GRIN2C: variants seen among roughly 807,000 people sequenced by gnomAD.
GRIN2C encodes glutamate receptor ionotropic, NMDA 2C.
GRIN2C carries 64 observed loss-of-function variants against 77.7 expected under a neutral mutation model. The ratio of observed to expected loss-of-function variants is 0.82; its 90% CI spans 0.67 to 1.01. The LOEUF is 1.01. Ranked by LOEUF, GRIN2C falls within the 50% of genes least tolerant of loss-of-function variation. GRIN2C has a pLI of 0.00. For missense variants in GRIN2C, 1,549 were observed against 1,486.0 expected, an observed-to-expected ratio of 1.04 and a Z score of -0.70; for synonymous variants, 792 against 643.4, an observed-to-expected ratio of 1.23 and a Z score of -3.49.
chr17:74,855,067 AG>A lies in GRIN2C; in HGVS notation c.25del (p.Leu9CysfsTer22). 5 of 1,593,330 alleles carry A rather than the reference AG, an allele frequency of 3.1e-6. No homozygotes were observed. Among genetic ancestry groups the A allele is most frequent in the Non-Finnish European group, 4.3e-6 (5 of 1,176,052 alleles). MGGALGPALLLTSLFGAWA... is the reference protein window; with the variant it reads MGGALGPAXLLTSLFGAWA... ...GGCACCGAAGAGCGAGGTGAGCAAC[AG>A]GGCCGGCCCCAGGGCCCCACCCATG... On this transcript the variant is annotated frameshift_variant, in exon 2 of 13. Coordinates refer to ENST00000293190, the MANE Select transcript of GRIN2C (RefSeq NM_000835.6). LOFTEE classifies it high-confidence loss of function.
rs2037604810 is a variant in GRIN2C, at chr17:74,850,510, A to G, written c.1325+46T>C. ...GACATACACGACACCTGACCATCAC[A>G]CGGCAGCACCCAGCTCACACTAGCC... On this transcript the variant is annotated intron_variant, in intron 5 of 12. Transcript: ENST00000293190. This position sits in a 1 kb window ranked among gnomAD's most constrained non-coding sequence, Gnocchi z 5.3. 6.3e-7 allele frequency: 1 copy of G among 1,589,320 alleles called. No individual in the cohort carries two copies. Among genetic ancestry groups the G allele is most frequent in the African/African-American group, 1.3e-5 (1 of 74,270 alleles).
rs2037612190 is a variant in GRIN2C, at chr17:74,850,665, C to A, written c.1216G>T (p.Ala406Ser). The change falls in exon 5 of 13, where the codon GCC (alanine) becomes TCC (serine). Residue 406 changes from alanine (A) to serine (S), a missense_variant. Physicochemically the swap from Ala to Ser is moderately conservative, Grantham distance 99. Coordinates refer to ENST00000293190, the MANE Select transcript of GRIN2C (RefSeq NM_000835.6). The surrounding 1 kb of genome is among the most constrained non-coding windows in gnomAD (Gnocchi z 5.3). ...ACAAAGGGCCGCTCTTCCAGCGTGG[C>A]CACCGTCAGGTGCCGACTGTCCACC... ...PVVDSRHLTV[A>S]TLEERPFVIV... is the part of the protein sequence containing the mutation. The A allele has an allele frequency of 6.2e-7, 1 of 1,613,676 alleles. No individual in the cohort carries two copies. Among genetic ancestry groups the A allele is most frequent in the East Asian group, 2.2e-5 (1 of 44,884 alleles).
rs1047203978 is a variant in GRIN2C, at chr17:74,846,121, C to G, written c.2295G>C (p.Lys765Asn). The G allele has an allele frequency of 1.9e-6, 3 of 1,614,110 alleles. No homozygotes were observed. The highest frequency in any genetic ancestry group is 1.6e-4 in the Middle Eastern group (1 of 6,062). Reference sequence around the variant, plus strand: ...CTATGGCCCGCTTCCAGTGGGAGTCCTTCTGCATGGCGATGCCGTAGCCAG... The same window carrying G: ...CTATGGCCCGCTTCCAGTGGGAGTCGTTCTGCATGGCGATGCCGTAGCCAG... ...ATTGYGIAMQ[K>N]DSHWKRAIDL... Residue 765 changes from lysine to asparagine, a missense_variant, in exon 11 of 13, where the codon AAG becomes AAC. Transcript: ENST00000293190. The surrounding 1 kb of genome is among the most constrained non-coding windows in gnomAD (Gnocchi z 4.4).
In GRIN2C at chr17:74,849,777, C is replaced by A. The variant is rs1467643630; in HGVS notation, c.1645+3G>T. On this transcript the variant is annotated splice_donor_region_variant and intron_variant, in intron 7 of 12. Transcript: ENST00000293190. The surrounding 1 kb of genome is among the most constrained non-coding windows in gnomAD (Gnocchi z 4.6). ...AGCCGTCTCTGCCCACCCTGGGCCT[C>A]ACCCAAGAAGGCCGAGGGGGAGACG... 3 of 1,611,440 alleles carry A rather than the reference C, an allele frequency of 1.9e-6. No homozygotes were observed. The highest frequency in any genetic ancestry group is 1.7e-6 in the Non-Finnish European group (2 of 1,179,376).
chr17:74,855,637 C>A (rs1454340600), intron 1 of GRIN2C, among the ~76,000 whole-genome samples: 1 of 152,232 alleles, frequency 6.6e-6, no homozygotes, highest in African/African-American at 2.4e-5. Flanking sequence ...CCTCATCCCG[C>A]AGGTGACAGG....
At chr17:74,856,021 T>C (rs528773513) in intron 1 of GRIN2C, among the ~76,000 whole-genome samples, 2 of 152,358 alleles carry the variant, frequency 1.3e-5, no homozygotes, top group African/African-American at 4.8e-5. Context: ...AGCTGGCCTC[T>C]CGGGCCATCA....
rs190493866 is a variant in GRIN2C, at chr17:74,849,688, C to T, written c.1645+92G>A. On this transcript the variant is annotated intron_variant, in intron 7 of 12. Coordinates refer to ENST00000293190, the MANE Select transcript of GRIN2C (RefSeq NM_000835.6). The surrounding 1 kb of genome is among the most constrained non-coding windows in gnomAD (Gnocchi z 4.6). ...GCTGCTGTGCTTGGCCTGTGAGAGC[C>T]CACCCAACTCCCCATCCCCACCCAA... The T allele has an allele frequency of 7.8e-4, 949 of 1,219,416 alleles. 1 individual carries two copies. Among genetic ancestry groups the T allele is most frequent in the Non-Finnish European group, 9.9e-4 (853 of 865,786 alleles). 75.5% of individuals were successfully genotyped at this position (1,219,416 alleles called of 1,614,324 possible). A position where few individuals can be genotyped will look rare whatever the true frequency, so the allele number is the denominator to read the frequency against.
At chr17:74,860,513 C>T (rs926511758), upstream of GRIN2C, 1 of 456,482 alleles carries the variant, frequency 2.2e-6, no homozygotes, top group Non-Finnish European at 4.4e-6. Context: ...GCCTTTGCTC[C>T]GCGTGTCCCC....
chr17:74,847,285 C>T lies in GRIN2C; in HGVS notation c.2001+23G>A, dbSNP rs773246373. The T allele has an allele frequency of 1.5e-6, 2 of 1,320,738 alleles. No individual in the cohort carries two copies. The highest frequency in any genetic ancestry group is 1.2e-5 in the South Asian group (1 of 84,992). 81.8% of individuals were successfully genotyped at this position (1,320,738 alleles called of 1,614,324 possible). A position where few individuals can be genotyped will look rare whatever the true frequency, so the allele number is the denominator to read the frequency against. ...CCCACCCTCAGTGCCCCCCCCCACC[C>T]CCAGCAGCTATGGCCCCACAACCTT... is the stretch of plus-strand genomic sequence containing the variant. On this transcript the variant is annotated intron_variant, in intron 9 of 12. Transcript: ENST00000293190. The surrounding 1 kb of genome is among the most constrained non-coding windows in gnomAD (Gnocchi z 5.2).
At chr17:74,860,150 T>C (rs2037919735), upstream of GRIN2C, among the ~76,000 whole-genome samples, 1 of 152,072 alleles carries the variant, frequency 6.6e-6, no homozygotes. Context: ...GTCCCGGACC[T>C]GCCTACCTGC....
Position 74,847,272 on chromosome 17 carries a change from G to GCCCCCCCC in GRIN2C, c.2001+28_2001+35dup. On this transcript the variant is annotated intron_variant, in intron 9 of 12. Transcript: ENST00000293190. This position sits in a 1 kb window ranked among gnomAD's most constrained non-coding sequence, Gnocchi z 5.2. ...CTCACGGCCTGTCCCCACCCTCAGT[G>GCCCCCCCC]CCCCCCCCCACCCCCAGCAGCTATG... is the stretch of plus-strand genomic sequence containing the variant. 36 of 692,318 alleles carry GCCCCCCCC rather than the reference G, an allele frequency of 5.2e-5. No individual in the cohort carries two copies. The highest frequency in any genetic ancestry group is 1.4e-4 in the South Asian group (10 of 70,326). The allele number at this position is 692,318 out of a possible 1,614,324, so 42.9% of individuals were successfully genotyped here. A position where few individuals can be genotyped will look rare whatever the true frequency, so the allele number is the denominator to read the frequency against.
Position 74,842,682 on chromosome 17 carries a change from T to G in GRIN2C, c.3455A>C (p.His1152Pro). The change falls in exon 13 of 13, where the codon CAC (histidine) becomes CCC (proline). Residue 1152 changes from histidine (H) to proline (P), a missense_variant. By Grantham distance (77) the His-to-Pro change is moderately conservative. Coordinates refer to ENST00000293190, the MANE Select transcript of GRIN2C (RefSeq NM_000835.6). Reference sequence around the variant, plus strand: ...GCAAAATGGCAGGTGGGCGTGGGCGTGCAGGCAGACGTGCTGTCTGTGCTG... The same window carrying G: ...GCAAAATGGCAGGTGGGCGTGGGCGGGCAGGCAGACGTGCTGTCTGTGCTG... Reference protein sequence around the residue: ...AWQHRQHVCLHAHAHLPFCWG... With the variant: ...AWQHRQHVCLPAHAHLPFCWG... The G allele has an allele frequency of 1.4e-6, 1 of 730,800 alleles. No individual in the cohort carries two copies. The allele number at this position is 730,800 out of a possible 1,614,324, so 45.3% of individuals were successfully genotyped here. A position where few individuals can be genotyped will look rare whatever the true frequency, so the allele number is the denominator to read the frequency against.
Position 74,843,084 on chromosome 17 carries a change from G to A in GRIN2C, c.3053C>T (p.Ser1018Phe). The A allele has an allele frequency of 6.6e-6, 3 of 457,132 alleles. No individual in the cohort carries two copies. The highest frequency in any genetic ancestry group is 1.2e-5 in the Non-Finnish European group (3 of 256,276). 28.3% of individuals were successfully genotyped at this position (457,132 alleles called of 1,614,324 possible). A position where few individuals can be genotyped will look rare whatever the true frequency, so the allele number is the denominator to read the frequency against. ...GCGCGCGGGCGACAGGGGCCGCTCG[G>A]AGGCCGAGAGGTGCCTCCCGCAGTG... The part of the protein sequence containing the change: ...TGHCGRHLSA[S>F]ERPLSPARCH... Residue 1018 changes from serine (S) to phenylalanine (F), a missense_variant, in exon 13 of 13, where the codon TCC (serine) becomes TTC (phenylalanine). Transcript: ENST00000293190.
intron 2 of GRIN2C, chr17:74,853,608 G>A (rs1406971775): frequency 1.3e-5 from 2 of 152,152 alleles, no homozygotes; most frequent in African/African-American, 4.8e-5. Flanking sequence ...ATTTATGGAT[G>A]GAATAAGAGG....
At position 74,850,304 on chromosome 17, in the gene GRIN2C, G is replaced by A. The variant is rs1182217653; in HGVS notation, c.1393C>T (p.Leu465=). Residue 465 remains leucine, a synonymous_variant, in exon 6 of 13, where the codon CTG becomes TTG. Transcript: ENST00000293190. This position sits in a 1 kb window ranked among gnomAD's most constrained non-coding sequence, Gnocchi z 5.3. ...TAGGAGAATTTGACCACTCTGGCCA[G>A]CTTCTTGAGGATGTCGATGCAGAAT... ...KGFCIDILKK[L]ARVVKFSYDL... 1 of 1,613,844 alleles carries A rather than the reference G, an allele frequency of 6.2e-7. No individual in the cohort carries two copies. Among genetic ancestry groups the A allele is most frequent in the Non-Finnish European group, 8.5e-7 (1 of 1,179,914 alleles).
chr17:74,861,175 C>T (rs527695166), upstream of GRIN2C, among the ~76,000 whole-genome samples: 291 of 152,310 alleles, frequency 1.9e-3, no homozygotes, highest in Middle Eastern at 6.8e-3. Flanking sequence ...GTCCTTCTCT[C>T]GCGTCCGCCG....
In GRIN2C at chr17:74,847,552, C is replaced by CG; in HGVS notation, c.1772-16dup. The CG allele has an allele frequency of 1.9e-6, 3 of 1,572,944 alleles. No homozygotes were observed. Among genetic ancestry groups the CG allele is most frequent in the Non-Finnish European group, 2.6e-6 (3 of 1,146,460 alleles). On this transcript the variant is annotated splice_polypyrimidine_tract_variant and intron_variant, in intron 8 of 12. Transcript: ENST00000293190. This position sits in a 1 kb window ranked among gnomAD's most constrained non-coding sequence, Gnocchi z 5.2. ...GCCCCCGGACTCTGGGGGCAAGAGG[C>CG]GGGGGGATGCTGGAGCTCCTCCTGC...
chr17:74,842,816 G>A lies in GRIN2C; in HGVS notation c.3321C>T (p.Arg1107=), dbSNP rs1418642698. 3 of 602,648 alleles carry A rather than the reference G, an allele frequency of 5.0e-6. No homozygotes were observed. The highest frequency in any genetic ancestry group is 8.7e-6 in the Non-Finnish European group (3 of 344,056). 37.3% of individuals were successfully genotyped at this position (602,648 alleles called of 1,614,324 possible). The change falls in exon 13 of 13, where the codon CGC becomes CGT. Residue 1107 remains arginine, a synonymous_variant. Coordinates refer to ENST00000293190, the MANE Select transcript of GRIN2C (RefSeq NM_000835.6). ...PAGCTGPACA[R]PDGHSACRRL... ...GCCTGCAGGCCGAGTGGCCGTCGGG[G>A]CGGGCGCAGGCGGGGCCGGTGCACC...
At position 74,855,001 on chromosome 17, in the gene GRIN2C, G is replaced by A. The variant is rs370446235; in HGVS notation, c.92C>T (p.Thr31Met). 55 of 1,606,250 alleles carry A rather than the reference G, an allele frequency of 3.4e-5. No individual in the cohort carries two copies. Among genetic ancestry groups the A allele is most frequent in the African/African-American group, 5.3e-5 (4 of 75,016 alleles). The change falls in exon 2 of 13, where the codon ACG becomes ATG. Residue 31 changes from threonine to methionine, a missense_variant. Transcript: ENST00000293190. Reference sequence around the variant, plus strand: ...TGAGCTGCTAAACACCACGGCCACCGTCATGCCCTGCTCGCCCTGCCCCGG... The same window carrying A: ...TGAGCTGCTAAACACCACGGCCACCATCATGCCCTGCTCGCCCTGCCCCGG... ...LGPGQGEQGM[T>M]VAVVFSSSGP...
Sources: allele counts gnomAD v4.1 joint callset (sites outside exome capture counted in the v4.1 genomes callset), GRCh38; gene constraint gnomAD v4.1.1; non-coding constraint Gnocchi (gnomAD v3.1); transcripts MANE v1.5; gene names NCBI Gene and HGNC (gene_info 2026-07-23, HGNC 2026-07-21).